The following AKT3 variants were observed in gnomAD, a reference collection of about 807,000 sequenced individuals.
The protein encoded by AKT3 is RAC-gamma serine/threonine-protein kinase.
Under a neutral mutation model 65.3 loss-of-function variants are expected in AKT3, and 15 were observed. The ratio of observed to expected loss-of-function variants is 0.23; its 90% CI spans 0.15 to 0.35. The LOEUF is 0.35. Among genes scored for constraint, AKT3 ranks in the 10% least tolerant of loss-of-function variants. The pLI is 1.00. For synonymous variants in AKT3, 206 were observed against 183.8 expected, an observed-to-expected ratio of 1.12 and a Z score of -0.98; for missense variants, 243 against 576.5, an observed-to-expected ratio of 0.42 and a Z score of 5.92.
chr1:243,549,485 A>G (rs1488112159), intron 11 of AKT3, among the ~76,000 whole-genome samples: 2 of 152,072 alleles, frequency 1.3e-5, no homozygotes, highest in African/African-American at 2.4e-5. Flanking sequence ...CTGGAGTGCA[A>G]TGGTGTCACC....
chr1:243,508,923 T>C (rs992182764), intron 13 of AKT3, among the ~76,000 whole-genome samples: 1 of 152,072 alleles, frequency 6.6e-6, no homozygotes, highest in Admixed American at 6.5e-5. Flanking sequence ...CCACCCGCCT[T>C]GGCCTCCCAA....
intron 2 of AKT3, among the ~76,000 whole-genome samples, chr1:243,766,734 T>C (rs1180199437): frequency 1.3e-5 from 2 of 152,116 alleles, no homozygotes; most frequent in African/African-American, 4.8e-5. Flanking sequence ...GAAGAAAAGT[T>C]TCCTAGAAGA....
intron 3 of AKT3, among the ~76,000 whole-genome samples, chr1:243,685,344 T>TA (rs1247972763): frequency 1.3e-5 from 2 of 152,220 alleles, no homozygotes; most frequent in Non-Finnish European, 2.9e-5. Flanking sequence ...CATCTTGAGT[T>TA]AATTTGTGCA....
intron 2 of AKT3, among the ~76,000 whole-genome samples, chr1:243,707,556 TAA>T (rs1051737365): frequency 1.3e-5 from 2 of 152,126 alleles, no homozygotes; most frequent in African/African-American, 4.8e-5. Context: ...TTTCAAATTA[TAA>T]GAAAGTTACT....
At position 243,499,813 on chromosome 1, in the gene AKT3, AT is replaced by A; in HGVS notation, c.*5435del. ...TGGATGGAACAGAGTGAAATAAATG[AT>A]TTACAAAGAGATATTTACATTCATC... On this transcript the variant is annotated 3_prime_UTR_variant, in exon 14 of 14. Transcript: ENST00000673466. 6.2e-7 allele frequency: 1 copy of A among 1,605,792 alleles called. No homozygotes were observed. Among genetic ancestry groups the A allele is most frequent in the Non-Finnish European group, 8.5e-7 (1 of 1,173,198 alleles).
chr1:243,627,658 A>G (rs1679282599), intron 6 of AKT3, among the ~76,000 whole-genome samples: 1 of 152,160 alleles, frequency 6.6e-6, no homozygotes, highest in African/African-American at 2.4e-5. Context: ...GGATAAATCC[A>G]GCAAATACCC....
chr1:243,568,545 T>A (rs904765361), intron 9 of AKT3, among the ~76,000 whole-genome samples: 8 of 152,196 alleles, frequency 5.3e-5, no homozygotes, highest in Non-Finnish European at 1.0e-4. Flanking sequence ...CAGAGGGTCT[T>A]GATTCAGTGT....
intron 2 of AKT3, among the ~76,000 whole-genome samples, chr1:243,779,173 T>A (rs1690751387): frequency 6.6e-6 from 1 of 152,148 alleles, no homozygotes; most frequent in Admixed American, 6.5e-5. Context: ...ATTCAAATCG[T>A]TTGCTGTTAC....
At chr1:243,781,726 G>A (rs966216388) in intron 2 of AKT3, among the ~76,000 whole-genome samples, 1 of 151,984 alleles carries the variant, frequency 6.6e-6, no homozygotes, top group African/African-American at 2.4e-5. Flanking sequence ...AGTTAAAAAG[G>A]TCATATTTTT....
chr1:243,596,292 T>C (rs1178879161), intron 8 of AKT3, among the ~76,000 whole-genome samples: 1 of 152,084 alleles, frequency 6.6e-6, no homozygotes, highest in East Asian at 1.9e-4. Context: ...AAGACATCAC[T>C]GAGAAAATGA....
chr1:243,768,087 A>T (rs369842228), intron 2 of AKT3, among the ~76,000 whole-genome samples: 1 of 151,456 alleles, frequency 6.6e-6, no homozygotes, highest in African/African-American at 2.4e-5. Flanking sequence ...ACTATAATTT[A>T]AAAATATTTA....
chr1:243,544,273 AG>A (rs759643884), intron 12 of AKT3, among the ~76,000 whole-genome samples: 2 of 119,988 alleles, frequency 1.7e-5, no homozygotes, highest in South Asian at 3.2e-4. Flanking sequence ...AAGCAGGGGG[AG>A]GGGGGGACAG....
Position 243,645,927 on chromosome 1 carries a change from T to C in AKT3, c.395A>G (p.Glu132Gly). 1.2e-6 allele frequency: 2 copies of C among 1,611,896 alleles called. No individual in the cohort carries two copies. The highest frequency in any genetic ancestry group is 1.7e-6 in the Non-Finnish European group (2 of 1,178,396). The change falls in exon 5 of 14, where the codon GAG (glutamate) becomes GGG (glycine). Residue 132 changes from glutamate (E) to glycine (G), a missense_variant. By Grantham distance (98) the Glu-to-Gly change is moderately conservative. Coordinates refer to ENST00000673466, the MANE Select transcript of AKT3 (RefSeq NM_005465.7). ...ATGATGGGTTGTAGAGGCATCCATCTCTTCCTCTCCTATATTATCAATTTG... is the reference window on the plus strand; with the variant it reads ...ATGATGGGTTGTAGAGGCATCCATCCCTTCCTCTCCTATATTATCAATTTG... ...TSQIDNIGEE[E>G]MDASTTHHKR...
At chr1:243,634,003 T>C (rs778856215) in intron 6 of AKT3, among the ~76,000 whole-genome samples, 27 of 152,096 alleles carry the variant, frequency 1.8e-4, no homozygotes, top group Admixed American at 8.5e-4. Flanking sequence ...CCTAAAACCA[T>C]GGATAGTACC....
At chr1:243,560,820 C>T (rs928302016) in intron 10 of AKT3, among the ~76,000 whole-genome samples, 23 of 152,042 alleles carry the variant, frequency 1.5e-4, no homozygotes, top group African/African-American at 5.6e-4. Context: ...AGATCATCTG[C>T]TTCTTAAATG....
intron 8 of AKT3, among the ~76,000 whole-genome samples, chr1:243,611,737 A>G (rs555023676): frequency 6.6e-6 from 1 of 151,558 alleles, no homozygotes; most frequent in South Asian, 2.1e-4. Context: ...TTTTCTTCGT[A>G]TTTTCTCAGA....
At chr1:243,514,537 C>T (rs1670220502) in intron 12 of AKT3, among the ~76,000 whole-genome samples, 1 of 152,196 alleles carries the variant, frequency 6.6e-6, no homozygotes, top group Non-Finnish European at 1.5e-5. Flanking sequence ...TACATGCACA[C>T]ATATGATATA....
At chr1:243,646,560 G>T (rs1441553763) in intron 4 of AKT3, among the ~76,000 whole-genome samples, 1 of 151,916 alleles carries the variant, frequency 6.6e-6, no homozygotes, top group Admixed American at 6.6e-5. Context: ...TCACCATGTT[G>T]GCCAGGCTGG....
At chr1:243,523,292 CA>C (rs1248048849) in intron 12 of AKT3, among the ~76,000 whole-genome samples, 1 of 151,358 alleles carries the variant, frequency 6.6e-6, no homozygotes, top group East Asian at 2.0e-4. Flanking sequence ...CACACACACA[CA>C]CACACACACA....
Sources: allele counts gnomAD v4.1 joint callset (sites outside exome capture counted in the v4.1 genomes callset), GRCh38; gene constraint gnomAD v4.1.1; transcripts MANE v1.5; gene names NCBI Gene and HGNC (gene_info 2026-07-23, HGNC 2026-07-21).